Variants in EMC1 observed in about 807,000 individuals in gnomAD.
EMC1 encodes the protein ER membrane protein complex subunit 1, also known as KIAA0090.
Under a neutral mutation model 128.8 loss-of-function variants are expected in EMC1, and 103 were observed. That is an observed-to-expected ratio of 0.80 (90% confidence interval 0.68 to 0.94). The LOEUF is 0.94. Among genes scored for constraint, EMC1 ranks in the 40% least tolerant of loss-of-function variants. The pLI is 0.00. For synonymous variants in EMC1, 442 were observed against 490.4 expected (o/e 0.90, Z 1.30); for missense variants, 1,083 against 1,250.6 (o/e 0.87, Z 2.02).
chr1:19,228,591 C>T (rs1230359170), intron 17 of EMC1, among the ~76,000 whole-genome samples: 1 of 152,080 alleles, frequency 6.6e-6, no homozygotes. Flanking sequence ...AGTGTATTCC[C>T]TTGGTGAGGG....
chr1:19,231,973 G>A (rs1185740010), intron 15 of EMC1, among the ~76,000 whole-genome samples: 1 of 151,842 alleles, frequency 6.6e-6, no homozygotes, highest in Non-Finnish European at 1.5e-5. Flanking sequence ...TAACAATTCA[G>A]CAACCTGGCC....
chr1:19,251,302 T>TG, intron 1 of EMC1, 113 bp downstream of exon 1: 1 of 987,394 alleles, frequency 1.0e-6, no homozygotes, highest in Non-Finnish European at 1.6e-6. Context: ...CATTTTGTAC[T>TG]GGGTCCTGCA....
In EMC1 at chr1:19,223,373, G is replaced by A. The variant is rs760727715; in HGVS notation, c.2376+23C>T. On this transcript the variant is annotated intron_variant, in intron 19 of 22. Coordinates refer to ENST00000477853, the MANE Select transcript of EMC1 (RefSeq NM_015047.3). The stretch of plus-strand genomic sequence containing the variant: ...CAGGGAGACCTCTGGAGCTACCTTG[G>A]GTCCCTGGTAGTGACCGCTTACCAC... The A allele has an allele frequency of 6.2e-6, 10 of 1,604,344 alleles. No homozygotes were observed. In the African/African-American group the frequency reaches 8.0e-5, roughly 13 times the overall value.
chr1:19,220,736 C>A (rs765690070), intron 21 of EMC1, 28 bp downstream of exon 21: 15 of 1,565,954 alleles, frequency 9.6e-6, no homozygotes, highest in Non-Finnish European at 1.3e-5. Context: ...AAGGTCAGAG[C>A]CTTCAGCACT....
chr1:19,230,780 C>T, intron 17 of EMC1, 64 bp downstream of exon 17: 1 of 1,600,488 alleles, frequency 6.2e-7, no homozygotes, highest in Non-Finnish European at 8.5e-7. Context: ...CACTTCTTAG[C>T]CAAATGGCCA....
In EMC1 at chr1:19,225,928, G is replaced by A. The variant is rs146416559; in HGVS notation, c.2202+1385C>T. Among the ~76,000 whole-genome samples the A allele has an allele frequency of 5.2e-3, 796 of 152,118 alleles. 9 individuals carry two copies. The highest frequency in any genetic ancestry group is 0.018 in the African/African-American group (748 of 41,476). ...TTAATCTTCAAAACAATCCTCTGACGTTGGTGCTATTATCCCCATTATACT... is the reference window on the plus strand; with the variant it reads ...TTAATCTTCAAAACAATCCTCTGACATTGGTGCTATTATCCCCATTATACT... On this transcript the variant is annotated intron_variant, in intron 18 of 22. Transcript: ENST00000477853.
chr1:19,243,688 A>G lies in EMC1; in HGVS notation c.306T>C (p.Asn102=), dbSNP rs764918641. The change falls in exon 4 of 23, where the codon AAT becomes AAC. Residue 102 remains asparagine (N), a synonymous_variant. Transcript: ENST00000477853. ...CCCAGGAACGCATGATTCGGCCTCC[A>G]TTGGACACAGTGATCACATCTGGAA... ...LHGQDVITVS[N]GGRIMRSWET... is the part of the protein sequence containing the mutation. The G allele has an allele frequency of 3.7e-6, 6 of 1,614,070 alleles. No individual in the cohort carries two copies. The South Asian group carries it at 5.5e-5, about 15-fold the overall frequency.
intron 18 of EMC1, among the ~76,000 whole-genome samples, 175 bp from the exon 19 acceptor site, chr1:19,223,744 T>TACTG (rs1310634441): frequency 6.6e-6 from 1 of 152,210 alleles, no homozygotes; most frequent in African/African-American, 2.4e-5. Flanking sequence ...GTGCATTGGG[T>TACTG]ACTGGGTGCC....
At position 19,222,784 on chromosome 1, in the gene EMC1, C is replaced by A. The variant is rs2093442072; in HGVS notation, c.2427G>T (p.Glu809Asp). The A allele has an allele frequency of 1.2e-6, 2 of 1,613,886 alleles. No homozygotes were observed. The highest frequency in any genetic ancestry group is 1.6e-4 in the Middle Eastern group (1 of 6,082). ...KARRNEFTVL[E>D]LYEGTEQYNA... ...TGTATTGCTCAGTGCCCTCATAGAGCTCCAGTACGGTAAACTCGTTGCGCC... is the reference window on the plus strand; with the variant it reads ...TGTATTGCTCAGTGCCCTCATAGAGATCCAGTACGGTAAACTCGTTGCGCC... The change falls in exon 20 of 23, where the codon GAG becomes GAT. Residue 809 changes from glutamate to aspartate, a missense_variant. By Grantham distance (45) the Glu-to-Asp change is conservative. Coordinates refer to ENST00000477853, the MANE Select transcript of EMC1 (RefSeq NM_015047.3).
intron 10 of EMC1, 58 bp from the exon 11 acceptor site, chr1:19,238,197 AAAG>A: frequency 6.3e-7 from 1 of 1,592,360 alleles, no homozygotes; most frequent in Non-Finnish European, 8.6e-7. Flanking sequence ...AAAGCCCACC[AAAG>A]GAAGTCCAAG....
chr1:19,246,931 T>C (rs1366188516), intron 1 of EMC1, among the ~76,000 whole-genome samples: 1 of 152,188 alleles, frequency 6.6e-6, no homozygotes, highest in Non-Finnish European at 1.5e-5. Flanking sequence ...TGTAATTATG[T>C]TTTAATAAAG....
intron 3 of EMC1, 103 bp downstream of exon 3, chr1:19,243,847 G>A: frequency 6.9e-7 from 1 of 1,449,890 alleles, no homozygotes; most frequent in Non-Finnish European, 9.7e-7. Context: ...ACTGTCAGGA[G>A]TCCCCAGTCT....
Position 19,222,929 on chromosome 1 carries a change from T to G in EMC1, c.2377-95A>C, listed in dbSNP as rs2093443296. On this transcript the variant is annotated intron_variant, in intron 19 of 22. Transcript: ENST00000477853. ...AGGCACCCCTCTAATTAGCTACAGA[T>G]CCATGAAGGAGAACCATCAACTAGC... 3.7e-5 allele frequency: 32 copies of G among 870,172 alleles called. 2 individuals carry two copies. In the South Asian group the frequency reaches 5.3e-4, roughly 14 times the overall value. The allele number at this position is 870,172 out of a possible 1,614,324, so 53.9% of individuals were successfully genotyped here.
intron 17 of EMC1, among the ~76,000 whole-genome samples, chr1:19,228,812 G>A (rs951195818): frequency 3.3e-5 from 5 of 152,200 alleles, no homozygotes; most frequent in African/African-American, 1.2e-4. Context: ...AGCACTTTCG[G>A]AGCCCGAGGC....
chr1:19,228,753 GA>G (rs145099636), intron 17 of EMC1, among the ~76,000 whole-genome samples: 2 of 151,152 alleles, frequency 1.3e-5, no homozygotes, highest in African/African-American at 4.9e-5. Flanking sequence ...ATGTGAATGA[GA>G]AAAAAAAATA....
At position 19,231,267 on chromosome 1, in the gene EMC1, T is replaced by A; in HGVS notation, c.1938A>T (p.Glu646Asp). 1.9e-6 allele frequency: 3 copies of A among 1,597,692 alleles called. No homozygotes were observed. Among genetic ancestry groups the A allele is most frequent in the Non-Finnish European group, 2.6e-6 (3 of 1,176,182 alleles). ...YAKVLLLIDD[E>D]YKVTAFPATR... ...TCCCCTCTGAAGACAGTACCTTGTA[T>A]TCATCATCTATCAACAGCAACACCT... The change falls in exon 16 of 23, where the codon GAA becomes GAT. Residue 646 changes from glutamate (E) to aspartate (D), a missense_variant. This residue lies in a region of EMC1 where 527 missense variants were observed against 644.1 expected (regional missense o/e 0.82). Transcript: ENST00000477853.
intron 17 of EMC1, among the ~76,000 whole-genome samples, chr1:19,227,763 G>A (rs2093487381): frequency 6.6e-6 from 1 of 152,188 alleles, no homozygotes; most frequent in Non-Finnish European, 1.5e-5. Context: ...AGCCACTCGG[G>A]AGGCTGAGGC....
Position 19,220,798 on chromosome 1 carries a change from GA to G in EMC1, c.2637del (p.Arg881AlafsTer15). 1 of 1,613,514 alleles carries G rather than the reference GA, an allele frequency of 6.2e-7. No individual in the cohort carries two copies. Among genetic ancestry groups the G allele is most frequent in the Non-Finnish European group, 8.5e-7 (1 of 1,179,824 alleles). Reference sequence around the variant, plus strand: ...TCTGTTGGGATCTCGGGGCGGCGGGGATCCAGCAAAGCCTTAGGAAGGGAAA... The same window carrying G: ...TCTGTTGGGATCTCGGGGCGGCGGGGTCCAGCAAAGCCTTAGGAAGGGAAA... ...AILSLPKALLDPRRPEIPTEQ... is the reference protein window; with the variant it reads ...AILSLPKALLXPRRPEIPTEQ... On this transcript the variant is annotated frameshift_variant, in exon 21 of 23. Coordinates refer to ENST00000477853, the MANE Select transcript of EMC1 (RefSeq NM_015047.3). LOFTEE classifies it high-confidence loss of function.
rs902223187 is a variant in EMC1, at chr1:19,219,160, G to A, written c.*143C>T. The A allele has an allele frequency of 2.3e-5, 17 of 745,838 alleles. No individual in the cohort carries two copies. The highest frequency in any genetic ancestry group is 3.9e-4 in the Middle Eastern group (1 of 2,542). The allele number at this position is 745,838 out of a possible 1,614,324, so 46.2% of individuals were successfully genotyped here. ...ATGTATATCCCAAAAGGAGTTCTGCGTGAAGGTCATCCATCTTCCCTACAG... is the reference window on the plus strand; with the variant it reads ...ATGTATATCCCAAAAGGAGTTCTGCATGAAGGTCATCCATCTTCCCTACAG... On this transcript the variant is annotated 3_prime_UTR_variant, in exon 23 of 23. Coordinates refer to ENST00000477853, the MANE Select transcript of EMC1 (RefSeq NM_015047.3).
Sources: allele counts gnomAD v4.1 joint callset (sites outside exome capture counted in the v4.1 genomes callset), GRCh38; gene constraint gnomAD v4.1.1; regional missense constraint gnomAD v4.1.1; transcripts MANE v1.5; gene names NCBI Gene and HGNC (gene_info 2026-07-23, HGNC 2026-07-21).